The following CWF19L1 variants were observed in gnomAD, a reference collection of about 807,000 sequenced individuals.
CWF19L1 encodes CWF19 like cell cycle control factor 1, also known as CWF19-like protein 1.
CWF19L1 carries 60 observed loss-of-function variants against 69.7 expected under a neutral mutation model. The observed-to-expected ratio is 0.86, with a 90% CI of 0.70 to 1.07. The LOEUF is 1.07. CWF19L1 is among the 50% of genes least tolerant of loss of function. The pLI, the probability that CWF19L1 is intolerant of heterozygous loss-of-function variation, is 0.00. For synonymous variants in CWF19L1, 209 were observed against 222.2 expected, an observed-to-expected ratio of 0.94 and a Z score of 0.53; for missense variants, 591 against 638.9, an observed-to-expected ratio of 0.92 and a Z score of 0.81.
At position 100,262,402 on chromosome 10, in the gene CWF19L1, A is replaced by G; in HGVS notation, c.24-339T>C. On this transcript the variant is annotated intron_variant, in intron 1 of 13. Transcript: ENST00000354105. ...CAAGTCCCATCAATCCCTTTTTCCA[A>G]ACATCTTTCACATTCATTCTATCCT... is the stretch of plus-strand genomic sequence containing the variant. The G allele has an allele frequency of 7.1e-6, 7 of 984,358 alleles. No homozygotes were observed. The South Asian group carries it at 3.3e-4, about 46-fold the overall frequency. The allele number at this position is 984,358 out of a possible 1,614,324, so 61.0% of individuals were successfully genotyped here.
At chr10:100,253,680 A>G (rs1256689800) in intron 5 of CWF19L1, 141 bp from the exon 6 acceptor site, 1 of 559,498 alleles carries the variant, frequency 1.8e-6, no homozygotes, top group East Asian at 2.9e-5. Context: ...TGAATTTCAT[A>G]AGTATGGCAA....
chr10:100,239,246 G>T (rs1846559459), intron 10 of CWF19L1, among the ~76,000 whole-genome samples: 1 of 152,192 alleles, frequency 6.6e-6, no homozygotes, highest in South Asian at 2.1e-4. Flanking sequence ...AAACATGCAA[G>T]AATGGTCTAC....
At chr10:100,259,828 T>G (rs1420436038) in intron 4 of CWF19L1, among the ~76,000 whole-genome samples, 1 of 152,218 alleles carries the variant, frequency 6.6e-6, no homozygotes, top group Non-Finnish European at 1.5e-5. Context: ...AAAAATTTCC[T>G]GGGAGACTAA....
chr10:100,241,441 A>G (rs1482700880), intron 10 of CWF19L1, among the ~76,000 whole-genome samples: 7 of 152,334 alleles, frequency 4.6e-5, no homozygotes, highest in Admixed American at 3.9e-4. Context: ...AAGACACAAA[A>G]AACGGTCCTC....
In CWF19L1 at chr10:100,253,592, CAAAT is replaced by C. The variant is rs532382351; in HGVS notation, c.505-57_505-54del. On this transcript the variant is annotated intron_variant, in intron 5 of 13. Transcript: ENST00000354105. ...ACAGACCAAAAGTTATCAAGAAATGCAAATAAATAATAAGACATTTTGAAATGTC... is the reference window on the plus strand; with the variant it reads ...ACAGACCAAAAGTTATCAAGAAATGCAAATAATAAGACATTTTGAAATGTC... 2.5e-5 allele frequency: 25 copies of C among 983,410 alleles called. No homozygotes were observed. The African/African-American group carries it at 3.7e-4, about 15-fold the overall frequency. The allele number at this position is 983,410 out of a possible 1,614,324, so 60.9% of individuals were successfully genotyped here.
chr10:100,248,478 C>G, intron 7 of CWF19L1: 1 of 678,894 alleles, frequency 1.5e-6, no homozygotes, highest in Non-Finnish European at 2.7e-6. Context: ...CTGTTCTTGA[C>G]CATGTAATGT....
intron 13 of CWF19L1, 99 bp from the exon 14 acceptor site, chr10:100,233,470 TC>T: frequency 7.9e-7 from 1 of 1,259,560 alleles, no homozygotes; most frequent in South Asian, 1.5e-5. Context: ...GACTTTGCTC[TC>T]CTGCCCTGAG....
At position 100,246,883 on chromosome 10, in the gene CWF19L1, A is replaced by G; in HGVS notation, c.761T>C (p.Leu254Pro). The G allele has an allele frequency of 6.2e-7, 1 of 1,614,026 alleles. No individual in the cohort carries two copies. The highest frequency in any genetic ancestry group is 8.5e-7 in the Non-Finnish European group (1 of 1,179,890). ...VPMKLMDAAELVKQPPDVTEN... is the reference protein window; with the variant it reads ...VPMKLMDAAEPVKQPPDVTEN... ...AGTGACATCCGGAGGCTGTTTTACC[A>G]GTTCTGCTGCATCCATTAGCTTCAT... Residue 254 changes from leucine to proline, a missense_variant, in exon 8 of 14, where the codon CTG becomes CCG. Leu to Pro is a moderately conservative substitution (Grantham distance 98). Coordinates refer to ENST00000354105, the MANE Select transcript of CWF19L1 (RefSeq NM_018294.6).
At chr10:100,259,816 C>T (rs1353721638) in intron 4 of CWF19L1, among the ~76,000 whole-genome samples, 6 of 152,092 alleles carry the variant, frequency 3.9e-5, no homozygotes, top group African/African-American at 1.4e-4. Flanking sequence ...AAAAATCTAG[C>T]CAAAAATTTC....
chr10:100,246,539 T>A (rs1443865877), intron 8 of CWF19L1, among the ~76,000 whole-genome samples: 1 of 152,204 alleles, frequency 6.6e-6, no homozygotes, highest in East Asian at 1.9e-4. Context: ...ACAAAGACTT[T>A]ACAAATAAAA....
chr10:100,250,605 G>A (rs536196972), intron 6 of CWF19L1, among the ~76,000 whole-genome samples: 9 of 152,264 alleles, frequency 5.9e-5, no homozygotes, highest in African/African-American at 2.2e-4. Context: ...TTGGCAAAAT[G>A]TTGACAATAG....
chr10:100,253,440 A>T lies in CWF19L1; in HGVS notation c.604T>A (p.Tyr202Asn). ...ACTCACCGATATGGAAGCCTCTCAT[A>T]ATAGGTCTTTTCCAAAGCAGCAAAA... ...YHFAALEKTYYERLPYRNHII... is the reference protein window; with the variant it reads ...YHFAALEKTYNERLPYRNHII... The change falls in exon 6 of 14, where the codon TAT (tyrosine) becomes AAT (asparagine). Residue 202 changes from tyrosine to asparagine, a missense_variant. Physicochemically the swap from Tyr to Asn is moderately radical, Grantham distance 143. Coordinates refer to ENST00000354105, the MANE Select transcript of CWF19L1 (RefSeq NM_018294.6). 1 of 1,609,080 alleles carries T rather than the reference A, an allele frequency of 6.2e-7. No homozygotes were observed. Among genetic ancestry groups the T allele is most frequent in the Non-Finnish European group, 8.5e-7 (1 of 1,175,406 alleles).
At position 100,233,104 on chromosome 10, in the gene CWF19L1, T is replaced by C; in HGVS notation, c.*123A>G. The C allele has an allele frequency of 1.2e-5, 12 of 981,276 alleles. No homozygotes were observed. Among genetic ancestry groups the C allele is most frequent in the South Asian group, 3.9e-5 (2 of 51,560 alleles). The allele number at this position is 981,276 out of a possible 1,614,324, so 60.8% of individuals were successfully genotyped here. ...TTGAGGCTACAGTGAGCCACAGTTA[T>C]GCCACTGCAATCCTGCTTGGGTGAC... On this transcript the variant is annotated 3_prime_UTR_variant, in exon 14 of 14. Transcript: ENST00000354105.
chr10:100,264,692 G>T (rs950116818), intron 1 of CWF19L1, among the ~76,000 whole-genome samples: 1 of 151,936 alleles, frequency 6.6e-6, no homozygotes, highest in Non-Finnish European at 1.5e-5. Flanking sequence ...GTTATCATAG[G>T]AGATGACAGC....
In CWF19L1 at chr10:100,235,744, T is replaced by G. The variant is rs149734623; in HGVS notation, c.1395A>C (p.Ala465=). The part of the protein sequence containing the change: ...DIKQIAQPGA[A]YFYVELDTGE... ...CTGTGTCAAGTTCAACATAAAAATA[T>G]GCTGCTCCTGGCTGTGCAATCTAAA... Residue 465 remains alanine (A), a synonymous_variant, in exon 13 of 14, where the codon GCA becomes GCC. Coordinates refer to ENST00000354105, the MANE Select transcript of CWF19L1 (RefSeq NM_018294.6). 633 of 1,611,558 alleles carry G rather than the reference T, an allele frequency of 3.9e-4. No homozygotes were observed. In the African/African-American group the frequency reaches 7.6e-3, roughly 19 times the overall value.
intron 4 of CWF19L1, among the ~76,000 whole-genome samples, chr10:100,259,814 A>C (rs1290738242): frequency 1.3e-5 from 2 of 152,218 alleles, no homozygotes; most frequent in African/African-American, 4.8e-5. Context: ...TGAAAAATCT[A>C]GCCAAAAATT....
rs1217143378 is a variant in CWF19L1, at chr10:100,267,457, G to GTC, written c.23+112_23+113dup. 1.9e-6 allele frequency: 3 copies of GTC among 1,600,268 alleles called. No individual in the cohort carries two copies. In the African/African-American group the frequency reaches 4.0e-5, roughly 21 times the overall value. ...CACCTAAGCTCCCCAGCAGCCCCGT[G>GTC]TCTCTCCGCCTTTTCCTTCTCCCTT... On this transcript the variant is annotated intron_variant, in intron 1 of 13. Transcript: ENST00000354105.
intron 6 of CWF19L1, among the ~76,000 whole-genome samples, chr10:100,251,272 T>C (rs1191151450): frequency 6.6e-6 from 1 of 152,186 alleles, no homozygotes; most frequent in East Asian, 1.9e-4. Flanking sequence ...CTCTTACATT[T>C]AACCTTTCAA....
intron 7 of CWF19L1, chr10:100,248,705 T>C: frequency 1.9e-6 from 2 of 1,073,296 alleles, no homozygotes; most frequent in Non-Finnish European, 2.9e-6. Flanking sequence ...TCCAGGCAGA[T>C]GAGCAACGAC....
Sources: gnomAD v4.1 joint callset for allele counts (sites outside exome capture counted in the v4.1 genomes callset) on GRCh38, gnomAD v4.1.1 for gene constraint, MANE v1.5 for transcripts, NCBI Gene and HGNC (gene_info 2026-07-23, HGNC 2026-07-21) for gene names.